Variants in GRM5 observed in about 807,000 individuals in gnomAD.
GRM5 encodes the protein metabotropic glutamate receptor 5.
In GRM5, 19 loss-of-function variants were observed where a neutral mutation model predicts 83.1. That is an observed-to-expected ratio of 0.23 (90% CI 0.16 to 0.34). The LOEUF is 0.34. Ranked by LOEUF, GRM5 falls within the 10% of genes least tolerant of loss-of-function variation. GRM5 has a pLI of 1.00. For synonymous variants in GRM5, 675 were observed against 633.6 expected, an observed-to-expected ratio of 1.07 and a Z score of -0.98; for missense variants, 1,160 against 1,588.3, an observed-to-expected ratio of 0.73 and a Z score of 4.58.
At chr11:88,573,232 A>T (rs1351647641) in intron 7 of GRM5, among the ~76,000 whole-genome samples, 1 of 152,180 alleles carries the variant, frequency 6.6e-6, no homozygotes, top group East Asian at 1.9e-4. Context: ...TATATTGTCC[A>T]CTTTCATTCT....
intron 2 of GRM5, among the ~76,000 whole-genome samples, chr11:88,856,735 G>A (rs1944485371): frequency 6.6e-6 from 1 of 151,976 alleles, no homozygotes; most frequent in African/African-American, 2.4e-5. Context: ...ACAAACACAT[G>A]TGTAATACAT....
chr11:88,802,675 T>C (rs1198329824), intron 3 of GRM5, among the ~76,000 whole-genome samples: 1 of 151,854 alleles, frequency 6.6e-6, no homozygotes, highest in Non-Finnish European at 1.5e-5. Context: ...GTGTTGGAAG[T>C]TCTGGCCAGG....
intron 4 of GRM5, among the ~76,000 whole-genome samples, chr11:88,611,162 G>A (rs529637772): frequency 2.6e-5 from 4 of 152,148 alleles, no homozygotes; most frequent in East Asian, 1.9e-4. Context: ...TCAGGGATAT[G>A]AGCCTGTTGT....
intron 4 of GRM5, among the ~76,000 whole-genome samples, chr11:88,645,489 G>A (rs1301387940): frequency 4.6e-5 from 7 of 151,998 alleles, no homozygotes; most frequent in Admixed American, 2.6e-4. Flanking sequence ...TGAAATGGTG[G>A]GAACACAGAT....
At chr11:88,869,158 T>A (rs1944720917) in intron 2 of GRM5, among the ~76,000 whole-genome samples, 1 of 151,618 alleles carries the variant, frequency 6.6e-6, no homozygotes, top group African/African-American at 2.4e-5. Flanking sequence ...TCTCAAGATA[T>A]CTGTAATTCT....
intron 8 of GRM5, among the ~76,000 whole-genome samples, chr11:88,532,973 T>TA (rs1444041995): frequency 1.3e-5 from 2 of 152,178 alleles, no homozygotes; most frequent in Non-Finnish European, 2.9e-5. Flanking sequence ...CAATACCTGT[T>TA]AAAATTTTAA....
At chr11:88,816,729 C>G (rs1035095606) in intron 3 of GRM5, among the ~76,000 whole-genome samples, 7 of 132,348 alleles carry the variant, frequency 5.3e-5, no homozygotes, top group African/African-American at 2.1e-4. Context: ...ACTGATAAAT[C>G]TCTATCCAGA....
chr11:88,562,260 T>G (rs1942774654), intron 8 of GRM5, among the ~76,000 whole-genome samples: 1 of 152,156 alleles, frequency 6.6e-6, no homozygotes, highest in Non-Finnish European at 1.5e-5. Context: ...AATAATTTCT[T>G]TTTCATGGAG....
intron 3 of GRM5, among the ~76,000 whole-genome samples, chr11:88,742,380 T>C (rs1484454794): frequency 6.6e-6 from 1 of 152,124 alleles, no homozygotes; most frequent in Non-Finnish European, 1.5e-5. Flanking sequence ...AAAATTATTA[T>C]TGCCTGGAAA....
At chr11:88,925,264 A>G (rs1393028147) in intron 2 of GRM5, among the ~76,000 whole-genome samples, 6 of 152,136 alleles carry the variant, frequency 3.9e-5, no homozygotes, top group African/African-American at 1.4e-4. Context: ...GCCCAAGAAA[A>G]GAGCTATTAC....
chr11:88,853,244 C>T (rs1298973220), intron 2 of GRM5, among the ~76,000 whole-genome samples: 1 of 152,050 alleles, frequency 6.6e-6, no homozygotes, highest in Non-Finnish European at 1.5e-5. Context: ...GATTTTCAAC[C>T]TTAAGAATCC....
At chr11:88,773,717 C>A (rs942628719) in intron 3 of GRM5, among the ~76,000 whole-genome samples, 1 of 152,206 alleles carries the variant, frequency 6.6e-6, no homozygotes, top group African/African-American at 2.4e-5. Flanking sequence ...GAATCCTTTC[C>A]CCATTTCTTG....
chr11:88,745,433 TGA>T (rs1246451828), intron 3 of GRM5, among the ~76,000 whole-genome samples: 2 of 152,020 alleles, frequency 1.3e-5, no homozygotes, highest in African/African-American at 4.8e-5. Context: ...CTTAAACTCC[TGA>T]GATCAAGCTA....
intron 2 of GRM5, among the ~76,000 whole-genome samples, chr11:88,892,005 A>G (rs1945153332): frequency 6.6e-6 from 1 of 152,074 alleles, no homozygotes. Context: ...AACTATGTGC[A>G]GCCTTTAATA....
intron 3 of GRM5, among the ~76,000 whole-genome samples, chr11:88,740,095 A>C (rs997259979): frequency 5.9e-5 from 9 of 152,044 alleles, no homozygotes; most frequent in Non-Finnish European, 8.8e-5. Flanking sequence ...CTCCAGTATA[A>C]GTTTACTATT....
chr11:89,043,446 A>G (rs1232541244), intron 2 of GRM5, among the ~76,000 whole-genome samples: 1 of 152,234 alleles, frequency 6.6e-6, no homozygotes, highest in Non-Finnish European at 1.5e-5. Context: ...AAACATTCAG[A>G]CTTTAAGGGA....
At chr11:88,645,042 A>G (rs376468343) in intron 4 of GRM5, among the ~76,000 whole-genome samples, 1 of 152,168 alleles carries the variant, frequency 6.6e-6, no homozygotes, top group East Asian at 1.9e-4. Flanking sequence ...AATTGTTAAG[A>G]TAAACACACC....
intron 2 of GRM5, among the ~76,000 whole-genome samples, chr11:88,886,571 C>T (rs1945047445): frequency 1.3e-5 from 2 of 152,098 alleles, no homozygotes; most frequent in South Asian, 4.1e-4. Flanking sequence ...TTTGAACCAG[C>T]TTCCTTTCAC....
intron 3 of GRM5, among the ~76,000 whole-genome samples, chr11:88,724,624 G>A (rs1941632216): frequency 6.6e-6 from 1 of 152,128 alleles, no homozygotes; most frequent in Non-Finnish European, 1.5e-5. Context: ...CTGGCAAGAT[G>A]GCCAAATACA....
Sources: gnomAD v4.1 joint callset for allele counts (sites outside exome capture counted in the v4.1 genomes callset) on GRCh38, gnomAD v4.1.1 for gene constraint, MANE v1.5 for transcripts, NCBI Gene and HGNC (gene_info 2026-07-23, HGNC 2026-07-21) for gene names.